Variants in APPBP2 observed in about 807,000 individuals in gnomAD.
The protein encoded by APPBP2 is amyloid protein-binding protein 2.
In APPBP2, 15 loss-of-function variants were observed where a neutral mutation model predicts 76.0. The observed-to-expected ratio is 0.20, with a 90% CI of 0.13 to 0.30. APPBP2 has a LOEUF of 0.30. Among genes scored for constraint, APPBP2 ranks in the 10% least tolerant of loss-of-function variants. APPBP2 has a pLI of 1.00. For missense variants in APPBP2, 401 were observed against 687.2 expected, an observed-to-expected ratio of 0.58 and a Z score of 4.66; for synonymous variants, 222 against 242.2, an observed-to-expected ratio of 0.92 and a Z score of 0.77.
At chr17:60,478,001 TA>T (rs200095619) in intron 4 of APPBP2, among the ~76,000 whole-genome samples, 87 of 150,540 alleles carry the variant, frequency 5.8e-4, no homozygotes, top group African/African-American at 2.0e-3. Context: ...AAAATATATT[TA>T]AAAAAAAACC....
intron 12 of APPBP2, 103 bp downstream of exon 12, chr17:60,451,777 C>A: frequency 2.8e-6 from 3 of 1,054,628 alleles, no homozygotes; most frequent in Non-Finnish European, 4.1e-6. Flanking sequence ...CCGCACCCAG[C>A]CCCATTTAAG....
chr17:60,472,043 T>C (rs975453042), intron 4 of APPBP2, among the ~76,000 whole-genome samples: 2 of 152,122 alleles, frequency 1.3e-5, no homozygotes, highest in African/African-American at 4.8e-5. Flanking sequence ...GGAGAATCGC[T>C]TGAACCTGGG....
Position 60,526,162 on chromosome 17 carries a change from C to T in APPBP2, c.-231G>A. On this transcript the variant is annotated 5_prime_UTR_variant, in exon 1 of 13. Transcript: ENST00000083182. The stretch of plus-strand genomic sequence containing the variant: ...GACAGAAAACAGCGGCCAGCCAGGC[C>T]AAAAGCGTCACAATCCCGGTTCGAG... The T allele has an allele frequency of 1.9e-6, 1 of 538,662 alleles. No homozygotes were observed. Among genetic ancestry groups the T allele is most frequent in the Non-Finnish European group, 3.4e-6 (1 of 298,448 alleles). 33.4% of individuals were successfully genotyped at this position (538,662 alleles called of 1,614,324 possible).
At chr17:60,487,999 C>A (rs2090694618) in intron 3 of APPBP2, among the ~76,000 whole-genome samples, 1 of 152,224 alleles carries the variant, frequency 6.6e-6, no homozygotes, top group African/African-American at 2.4e-5. Flanking sequence ...CCACTCCAGA[C>A]CTTACTTGCT....
Position 60,444,971 on chromosome 17 carries a change from T to C in APPBP2, c.*2610A>G, listed in dbSNP as rs996326301. 1.3e-5 allele frequency: 2 copies of C among 152,196 alleles called. No homozygotes were observed. The highest frequency in any genetic ancestry group is 2.9e-5 in the Non-Finnish European group (2 of 68,030). The allele number at this position is 152,196 out of a possible 1,614,324, so 9.4% of individuals were successfully genotyped here. A position where few individuals can be genotyped will look rare whatever the true frequency, so the allele number is the denominator to read the frequency against. On this transcript the variant is annotated 3_prime_UTR_variant, in exon 13 of 13. Coordinates refer to ENST00000083182, the MANE Select transcript of APPBP2 (RefSeq NM_006380.5). Reference sequence around the variant, plus strand: ...TTGCGCAAGTTAACTTATTGTGAGATAAATTTTATTATTTTCTTCAAGATT... The same window carrying C: ...TTGCGCAAGTTAACTTATTGTGAGACAAATTTTATTATTTTCTTCAAGATT...
chr17:60,468,404 T>C (rs1041678276), intron 4 of APPBP2: 5 of 152,276 alleles, frequency 3.3e-5, no homozygotes, highest in African/African-American at 1.2e-4. Context: ...AACCCATAGG[T>C]TGAAAATTTA....
At chr17:60,458,145 C>T (rs1198921988) in intron 9 of APPBP2, among the ~76,000 whole-genome samples, 1 of 152,098 alleles carries the variant, frequency 6.6e-6, no homozygotes, top group African/African-American at 2.4e-5. Flanking sequence ...AAAATCTGCC[C>T]TTTTCCAGCC....
At chr17:60,478,727 G>A (rs2090608458) in intron 4 of APPBP2, among the ~76,000 whole-genome samples, 2 of 152,272 alleles carry the variant, frequency 1.3e-5, no homozygotes, top group South Asian at 2.1e-4. Context: ...TTCGAGACCA[G>A]CCTGACCAAC....
intron 5 of APPBP2, among the ~76,000 whole-genome samples, chr17:60,465,334 G>A (rs1478504250): frequency 6.6e-6 from 1 of 152,098 alleles, no homozygotes; most frequent in African/African-American, 2.4e-5. Flanking sequence ...AGCTATTCTG[G>A]GGTTGATATT....
intron 3 of APPBP2, among the ~76,000 whole-genome samples, chr17:60,483,845 C>G (rs1000195955): frequency 6.6e-6 from 1 of 152,082 alleles, no homozygotes; most frequent in Non-Finnish European, 1.5e-5. Context: ...TTTTCTTCTA[C>G]GGTTTTTATG....
chr17:60,500,231 C>T (rs976899771), intron 2 of APPBP2, among the ~76,000 whole-genome samples, 168 bp downstream of exon 2: 4 of 151,980 alleles, frequency 2.6e-5, no homozygotes, highest in Non-Finnish European at 5.9e-5. Context: ...AGGAAGGTCT[C>T]GATCTGACCT....
intron 1 of APPBP2, among the ~76,000 whole-genome samples, chr17:60,517,950 C>T (rs945817459): frequency 1.3e-5 from 2 of 151,982 alleles, no homozygotes; most frequent in African/African-American, 2.4e-5. Context: ...GAATTAGTTG[C>T]CTTAGCTGCC....
intron 3 of APPBP2, among the ~76,000 whole-genome samples, chr17:60,487,744 A>T (rs1283244100): frequency 6.6e-6 from 1 of 152,202 alleles, no homozygotes; most frequent in Non-Finnish European, 1.5e-5. Flanking sequence ...ATTGCTGGCG[A>T]GGAGCTGCAA....
At chr17:60,448,003 C>T (rs1205437671) in intron 12 of APPBP2, among the ~76,000 whole-genome samples, 169 bp from the exon 13 acceptor site, 7 of 152,138 alleles carry the variant, frequency 4.6e-5, no homozygotes, top group Admixed American at 4.6e-4. Flanking sequence ...TCAGTCCCAA[C>T]CATGAGCTAT....
At chr17:60,517,277 T>C (rs1233995447) in intron 1 of APPBP2, among the ~76,000 whole-genome samples, 2 of 152,098 alleles carry the variant, frequency 1.3e-5, no homozygotes, top group African/African-American at 2.4e-5. Context: ...TGTTGGGCCT[T>C]TTCTCTGCTA....
intron 3 of APPBP2, among the ~76,000 whole-genome samples, chr17:60,490,233 T>C (rs941186492): frequency 6.6e-6 from 1 of 152,158 alleles, no homozygotes; most frequent in Non-Finnish European, 1.5e-5. Flanking sequence ...GTCTAGTTAA[T>C]GGTATAACAC....
intron 1 of APPBP2, chr17:60,513,568 T>C (rs2090936965): frequency 2.2e-6 from 1 of 445,684 alleles, no homozygotes; most frequent in Non-Finnish European, 4.1e-6. Flanking sequence ...GTTTTCTACA[T>C]TTTTATTTTG....
intron 2 of APPBP2, among the ~76,000 whole-genome samples, chr17:60,499,911 G>A (rs550678898): frequency 1.3e-4 from 20 of 152,276 alleles, no homozygotes; most frequent in African/African-American, 4.8e-4. Flanking sequence ...AAGGGAAAGA[G>A]AGAATGGGGA....
intron 1 of APPBP2, among the ~76,000 whole-genome samples, chr17:60,518,662 T>C (rs113992367): frequency 0.082 from 12,421 of 151,970 alleles, 1,675 homozygotes; most frequent in African/African-American, 0.28. Context: ...TGCCACCATG[T>C]CTGGCTAATT....
Sources: allele counts gnomAD v4.1 joint callset (sites outside exome capture counted in the v4.1 genomes callset), GRCh38; gene constraint gnomAD v4.1.1; transcripts MANE v1.5; gene names NCBI Gene and HGNC (gene_info 2026-07-23, HGNC 2026-07-21).